The following CNTNAP2 variants were observed in gnomAD, a reference collection of about 807,000 sequenced individuals.
CNTNAP2 encodes contactin-associated protein-like 2.
CNTNAP2 carries 98 observed loss-of-function variants against 155.2 expected under a neutral mutation model. That is an observed-to-expected ratio of 0.63 (90% CI 0.54 to 0.75). CNTNAP2 has a LOEUF of 0.75. CNTNAP2 is among the 30% of genes least tolerant of loss of function. The pLI is 0.00. For synonymous variants in CNTNAP2, 651 were observed against 631.2 expected (o/e 1.03, Z -0.47); for missense variants, 1,727 against 1,688.1 (o/e 1.02, Z -0.40).
rs80027168 is a variant in CNTNAP2, at chr7:147,579,812, T to C, written c.1897+17555T>C. ...TTAGATATATCATAATGCAATATCA[T>C]ATGAAATGATATTTCACAAACCATC... On this transcript the variant is annotated intron_variant, in intron 12 of 23. Coordinates refer to ENST00000361727, the MANE Select transcript of CNTNAP2 (RefSeq NM_014141.6). 5.6e-3 allele frequency among the ~76,000 whole-genome samples: 853 copies of C among 152,282 alleles called. 1 individual carries two copies. The highest frequency in any genetic ancestry group is 8.1e-3 in the Non-Finnish European group (554 of 68,020).
At chr7:146,720,864 CATATAT>C (rs1029545584) in intron 1 of CNTNAP2, among the ~76,000 whole-genome samples, 2 of 138,266 alleles carry the variant, frequency 1.4e-5, no homozygotes, top group South Asian at 4.5e-4. Flanking sequence ...CCTATGTAAA[CATATAT>C]ATATTCTATA....
At chr7:146,254,164 AGC>A (rs973671072) in intron 1 of CNTNAP2, among the ~76,000 whole-genome samples, 19 of 124,230 alleles carry the variant, frequency 1.5e-4, no homozygotes, top group African/African-American at 8.2e-4. Context: ...CACACACACA[AGC>A]AAACACACAC....
intron 21 of CNTNAP2, among the ~76,000 whole-genome samples, chr7:148,321,873 A>G (rs1232894484): frequency 6.6e-6 from 1 of 151,796 alleles, no homozygotes; most frequent in African/African-American, 2.4e-5. Flanking sequence ...ATTCTAGCTG[A>G]GGTTCTTAGA....
At chr7:146,936,455 C>A (rs1796915937) in intron 3 of CNTNAP2, among the ~76,000 whole-genome samples, 1 of 152,102 alleles carries the variant, frequency 6.6e-6, no homozygotes, top group Non-Finnish European at 1.5e-5. Flanking sequence ...GTTTCAAGAC[C>A]AAATAAGTAC....
At chr7:147,842,349 G>T (rs1798757445) in intron 13 of CNTNAP2, among the ~76,000 whole-genome samples, 1 of 152,166 alleles carries the variant, frequency 6.6e-6, no homozygotes, top group African/African-American at 2.4e-5. Flanking sequence ...AGATTCATAA[G>T]ATAGTACAGC....
At chr7:146,440,575 T>C (rs1796306857) in intron 1 of CNTNAP2, among the ~76,000 whole-genome samples, 1 of 151,562 alleles carries the variant, frequency 6.6e-6, no homozygotes, top group Non-Finnish European at 1.5e-5. Context: ...GCTGTCTGTG[T>C]GTATATCTTC....
rs181956736 is a variant in CNTNAP2, at chr7:147,692,566, G to C, written c.2098+53260G>C. 8.7e-4 allele frequency among the ~76,000 whole-genome samples: 133 copies of C among 152,182 alleles called. 1 individual carries two copies. Among genetic ancestry groups the C allele is most frequent in the Admixed American group, 3.1e-3 (47 of 15,266 alleles). ...TGGCCATTCTAATAGGTGTGCAGTA[G>C]TATCTAATTGTCATTTTAATTTGCA... On this transcript the variant is annotated intron_variant, in intron 13 of 23. Coordinates refer to ENST00000361727, the MANE Select transcript of CNTNAP2 (RefSeq NM_014141.6).
intron 1 of CNTNAP2, among the ~76,000 whole-genome samples, chr7:146,695,761 A>G (rs1452467786): frequency 3.9e-5 from 6 of 152,162 alleles, no homozygotes; most frequent in South Asian, 2.1e-4. Context: ...GCATATATTT[A>G]GCATGTACAA....
At chr7:147,253,872 C>A (rs1279632589) in intron 8 of CNTNAP2, among the ~76,000 whole-genome samples, 1 of 152,156 alleles carries the variant, frequency 6.6e-6, no homozygotes, top group Non-Finnish European at 1.5e-5. Flanking sequence ...GACATAGTAT[C>A]TTATTGGCAA....
Position 146,806,494 on chromosome 7 carries a change from C to CA in CNTNAP2, c.208+32125dup, listed in dbSNP as rs5888222. Among the ~76,000 whole-genome samples the CA allele has an allele frequency of 7.0e-4, 104 of 148,400 alleles. 1 individual carries two copies. Among genetic ancestry groups the CA allele is most frequent in the Middle Eastern group, 3.5e-3 (1 of 288 alleles). ...TTAGGCAACAAGAGCAAAATTCCAT[C>CA]AAAAAAAAAAAAGAAAGAAAGAAAA... On this transcript the variant is annotated intron_variant, in intron 2 of 23. Transcript: ENST00000361727.
chr7:146,789,513 A>G (rs554126039), intron 2 of CNTNAP2, among the ~76,000 whole-genome samples: 2 of 152,154 alleles, frequency 1.3e-5, no homozygotes, highest in South Asian at 4.1e-4. Context: ...TTAAAAGCAT[A>G]TCTTTTTTTC....
At chr7:147,188,600 T>G (rs1011974205) in intron 8 of CNTNAP2, among the ~76,000 whole-genome samples, 1 of 152,178 alleles carries the variant, frequency 6.6e-6, no homozygotes, top group African/African-American at 2.4e-5. Context: ...AAGCTTTTGG[T>G]TTGTTTTCTT....
intron 16 of CNTNAP2, among the ~76,000 whole-genome samples, chr7:148,145,794 G>A (rs1458228641): frequency 6.6e-6 from 1 of 152,180 alleles, no homozygotes; most frequent in Non-Finnish European, 1.5e-5. Flanking sequence ...CTTGATGGAG[G>A]TCACTGGCCT....
In CNTNAP2 at chr7:148,062,028, A is replaced by AGAGAGAGAGAGTGTGTGTGT. The variant is rs1388530831; in HGVS notation, c.2384-56089_2384-56088insAGAGAGAGAGTGTGTGTGTG. Among the ~76,000 whole-genome samples, 4 of 106,016 alleles carry AGAGAGAGAGAGTGTGTGTGT rather than the reference A, an allele frequency of 3.8e-5. 1 individual carries two copies. The highest frequency in any genetic ancestry group is 7.9e-5 in the Non-Finnish European group (4 of 50,316). The allele number at this position is 106,016 out of a possible 152,430, so 69.6% of individuals were successfully genotyped here. A position where few individuals can be genotyped will look rare whatever the true frequency, so the allele number is the denominator to read the frequency against. On this transcript the variant is annotated intron_variant, in intron 15 of 23. Coordinates refer to ENST00000361727, the MANE Select transcript of CNTNAP2 (RefSeq NM_014141.6). ...ATAGATGATAGAGAGAGAGAGAGAG[A>AGAGAGAGAGAGTGTGTGTGT]GTGTGTGTGTGTGTGTGTGTGTGTG...
At chr7:146,812,768 G>A (rs1803091733) in intron 2 of CNTNAP2, among the ~76,000 whole-genome samples, 1 of 152,148 alleles carries the variant, frequency 6.6e-6, no homozygotes, top group African/African-American at 2.4e-5. Flanking sequence ...AGACCTTCAT[G>A]GCAGTGCCTC....
chr7:148,415,794 T>A lies in CNTNAP2; in HGVS notation c.*178T>A. 1 of 655,816 alleles carries A rather than the reference T, an allele frequency of 1.5e-6. No homozygotes were observed. Among genetic ancestry groups the A allele is most frequent in the East Asian group, 2.8e-5 (1 of 35,736 alleles). The allele number at this position is 655,816 out of a possible 1,614,324, so 40.6% of individuals were successfully genotyped here. On this transcript the variant is annotated 3_prime_UTR_variant, in exon 24 of 24. Transcript: ENST00000361727. ...GAGACTGATCACAAAAAAAAAAACC[T>A]TTTTAATATTTCTTTATAGCTGAGT...
chr7:148,319,338 A>G (rs965641729), intron 21 of CNTNAP2, among the ~76,000 whole-genome samples: 1 of 152,210 alleles, frequency 6.6e-6, no homozygotes, highest in Non-Finnish European at 1.5e-5. Context: ...TCTTTATCAT[A>G]AAAGTGAATT....
chr7:146,824,990 G>T (rs1803373153), intron 2 of CNTNAP2, among the ~76,000 whole-genome samples: 1 of 151,532 alleles, frequency 6.6e-6, no homozygotes, highest in African/African-American at 2.4e-5. Flanking sequence ...TTTACATGAA[G>T]AATTGATATC....
At chr7:148,365,829 T>A in intron 21 of CNTNAP2, among the ~76,000 whole-genome samples, 1 of 114,558 alleles carries the variant, frequency 8.7e-6, no homozygotes, top group Non-Finnish European at 1.9e-5. Flanking sequence ...TGCATGTGTA[T>A]GCATGTATAC....
Sources: gnomAD v4.1 joint callset for allele counts (sites outside exome capture counted in the v4.1 genomes callset) on GRCh38, gnomAD v4.1.1 for gene constraint, MANE v1.5 for transcripts, NCBI Gene and HGNC (gene_info 2026-07-23, HGNC 2026-07-21) for gene names.